The following SV2B variants were observed in gnomAD, a reference collection of about 807,000 sequenced individuals.
SV2B encodes the protein solute carrier family 22 member B2.
SV2B carries 41 observed loss-of-function variants against 73.9 expected under a neutral mutation model. That is an observed-to-expected ratio of 0.56 (90% confidence interval 0.43 to 0.72). The LOEUF (loss-of-function observed/expected upper bound fraction) is 0.72, where lower values mean the gene tolerates loss of function less well. Among genes scored for constraint, SV2B ranks in the 30% least tolerant of loss-of-function variants. SV2B has a pLI of 0.00. For synonymous variants in SV2B, 314 were observed against 314.2 expected, an observed-to-expected ratio of 1.00 and a Z score of 0.01; for missense variants, 764 against 857.8, an observed-to-expected ratio of 0.89 and a Z score of 1.37.
intron 1 of SV2B, among the ~76,000 whole-genome samples, chr15:91,103,640 C>T (rs1003666110): frequency 6.6e-6 from 1 of 152,186 alleles, no homozygotes; most frequent in Non-Finnish European, 1.5e-5. Context: ...AGAGCCTCAT[C>T]ACTCAGCTGT....
chr15:91,217,657 C>T (rs1188227345), intron 1 of SV2B, among the ~76,000 whole-genome samples: 1 of 152,074 alleles, frequency 6.6e-6, no homozygotes, highest in Non-Finnish European at 1.5e-5. Flanking sequence ...AGACATTATC[C>T]TGTCATATTC....
intron 1 of SV2B, among the ~76,000 whole-genome samples, chr15:91,209,943 C>G (rs370720702): frequency 1.1e-4 from 17 of 152,220 alleles, no homozygotes; most frequent in African/African-American, 4.1e-4. Context: ...AACACATTAC[C>G]CTTTTCTAAT....
At chr15:91,195,541 G>C (rs1168412642) in intron 1 of SV2B, among the ~76,000 whole-genome samples, 2 of 152,134 alleles carry the variant, frequency 1.3e-5, no homozygotes, top group African/African-American at 4.8e-5. Context: ...AACTTCCTAG[G>C]GTTGTTGCGA....
chr15:91,194,725 G>A (rs974284443), intron 1 of SV2B, among the ~76,000 whole-genome samples: 9 of 152,224 alleles, frequency 5.9e-5, no homozygotes, highest in African/African-American at 2.2e-4. Flanking sequence ...AACGGAGGTT[G>A]CATCTTTGGG....
At chr15:91,192,454 A>G (rs924762163) in intron 1 of SV2B, among the ~76,000 whole-genome samples, 1 of 152,176 alleles carries the variant, frequency 6.6e-6, no homozygotes, top group African/African-American at 2.4e-5. Flanking sequence ...CAGTCTTGGA[A>G]GTGACTTTGG....
At position 91,140,628 on chromosome 15, in the gene SV2B, T is replaced by C. The variant is rs2042971465; in HGVS notation, c.-392+40265T>C. 1.3e-5 allele frequency among the ~76,000 whole-genome samples: 2 copies of C among 151,928 alleles called. No homozygotes were observed. Among genetic ancestry groups the C allele is most frequent in the Non-Finnish European group, 2.9e-5 (2 of 67,986 alleles). ...TCCTCTTTGATCTCCTCCAACAGAGTGGAGAACATGTCTGACAGTCAGTTT... is the reference window on the plus strand; with the variant it reads ...TCCTCTTTGATCTCCTCCAACAGAGCGGAGAACATGTCTGACAGTCAGTTT... On this transcript the variant is annotated intron_variant, in intron 1 of 12. Transcript: ENST00000394232. This position sits in a 1 kb window ranked among gnomAD's most constrained non-coding sequence, Gnocchi z 4.4.
chr15:91,250,601 T>G (rs2047445244), intron 2 of SV2B, among the ~76,000 whole-genome samples: 4 of 152,086 alleles, frequency 2.6e-5, no homozygotes, highest in African/African-American at 9.7e-5. Flanking sequence ...TTAGAACAAA[T>G]AAACAAATTC....
chr15:91,190,153 G>A (rs1445658335), intron 1 of SV2B, among the ~76,000 whole-genome samples: 1 of 151,892 alleles, frequency 6.6e-6, no homozygotes, highest in East Asian at 1.9e-4. Context: ...AAGTTTTAGG[G>A]TACATGTGCA....
intron 1 of SV2B, among the ~76,000 whole-genome samples, chr15:91,212,868 C>T (rs948518401): frequency 4.6e-5 from 7 of 151,610 alleles, no homozygotes; most frequent in East Asian, 1.9e-4. Context: ...AAGCTGAGCA[C>T]GGTGGCTCAT....
In SV2B at chr15:91,232,366, T is replaced by C. The variant is rs554508022; in HGVS notation, c.451+5652T>C. The stretch of plus-strand genomic sequence containing the variant: ...TGAGAACAAAAACCATCAGAAGAAA[T>C]AGAATAGACTTAAAATGAAGGGCTC... On this transcript the variant is annotated intron_variant, in intron 2 of 12. Coordinates refer to ENST00000394232, the MANE Select transcript of SV2B (RefSeq NM_001323032.3). The surrounding 1 kb of genome is among the most constrained non-coding windows in gnomAD (Gnocchi z 4.7). Among the ~76,000 whole-genome samples, 4 of 152,254 alleles carry C rather than the reference T, an allele frequency of 2.6e-5. No individual in the cohort carries two copies. The highest frequency in any genetic ancestry group is 9.6e-5 in the African/African-American group (4 of 41,568).
At chr15:91,269,065 T>A (rs2048208180) in intron 9 of SV2B, among the ~76,000 whole-genome samples, 1 of 152,058 alleles carries the variant, frequency 6.6e-6, no homozygotes, top group African/African-American at 2.4e-5. Context: ...CTTTGGAGCG[T>A]TGATCAGTAT....
intron 5 of SV2B, among the ~76,000 whole-genome samples, chr15:91,259,914 A>G (rs2047847170): frequency 1.3e-5 from 2 of 152,200 alleles, no homozygotes; most frequent in Admixed American, 1.3e-4. Context: ...TCTCTGTGGT[A>G]CTGGGGATTA....
chr15:91,167,913 G>C (rs1006021350), intron 1 of SV2B, among the ~76,000 whole-genome samples: 1 of 152,048 alleles, frequency 6.6e-6, no homozygotes. Flanking sequence ...AGATGACAAG[G>C]GCTGACCTAC....
rs370065699 is a variant in SV2B, at chr15:91,185,751, C to T, written c.-391-40122C>T. On this transcript the variant is annotated intron_variant, in intron 1 of 12. Coordinates refer to ENST00000394232, the MANE Select transcript of SV2B (RefSeq NM_001323032.3). ...ACCTTATAAACTCTTTGAACTCTTG[C>T]AGTACCTTGCAAGGCAGATTGTGTG... 2.0e-4 allele frequency among the ~76,000 whole-genome samples: 30 copies of T among 152,284 alleles called. 1 individual carries two copies. The South Asian group carries it at 6.0e-3, about 31-fold the overall frequency.
Position 91,214,990 on chromosome 15 carries a change from A to G in SV2B, c.-391-10883A>G, listed in dbSNP as rs914047073. Among the ~76,000 whole-genome samples, 5 of 152,218 alleles carry G rather than the reference A, an allele frequency of 3.3e-5. No individual in the cohort carries two copies. Among genetic ancestry groups the G allele is most frequent in the African/African-American group, 9.6e-5 (4 of 41,462 alleles). ...GGCTGGGACCATTGTTGCTGACCCC[A>G]GGGCTGCAGGGTAAACGGCCTTCGC... On this transcript the variant is annotated intron_variant, in intron 1 of 12. Transcript: ENST00000394232. This position sits in a 1 kb window ranked among gnomAD's most constrained non-coding sequence, Gnocchi z 4.7.
rs773247247 is a variant in SV2B at position 91,139,528 on chromosome 15, G to C, written c.-392+39165G>C. Among the ~76,000 whole-genome samples, 1 of 152,134 alleles carries C rather than the reference G, an allele frequency of 6.6e-6. No homozygotes were observed. The highest frequency in any genetic ancestry group is 1.5e-5 in the Non-Finnish European group (1 of 68,042). ...GAAAAGCAGGGTGAGGGCAAACACC[G>C]CTATCAATGCTGTAGTAAGGAGAGT... On this transcript the variant is annotated intron_variant, in intron 1 of 12. Transcript: ENST00000394232. This position sits in a 1 kb window ranked among gnomAD's most constrained non-coding sequence, Gnocchi z 5.2.
intron 1 of SV2B, among the ~76,000 whole-genome samples, chr15:91,185,659 C>A (rs2044742082): frequency 6.6e-6 from 1 of 152,132 alleles, no homozygotes. Flanking sequence ...GGTCACATTA[C>A]TGGAACTGAA....
intron 1 of SV2B, among the ~76,000 whole-genome samples, chr15:91,161,744 T>C (rs2043726048): frequency 6.6e-6 from 1 of 152,226 alleles, no homozygotes; most frequent in African/African-American, 2.4e-5. Context: ...AGATCCATGC[T>C]TTTTTCTCCA....
intron 1 of SV2B, among the ~76,000 whole-genome samples, chr15:91,143,846 T>G (rs913291217): frequency 4.6e-5 from 7 of 152,244 alleles, no homozygotes; most frequent in Non-Finnish European, 7.3e-5. Flanking sequence ...TAATGCAAAA[T>G]TAAATGAGCA....
Sources: gnomAD v4.1 joint callset for allele counts (sites outside exome capture counted in the v4.1 genomes callset) on GRCh38, gnomAD v4.1.1 for gene constraint, Gnocchi (gnomAD v3.1) non-coding constraint, MANE v1.5 for transcripts, NCBI Gene and HGNC (gene_info 2026-07-23, HGNC 2026-07-21) for gene names.